The following ADAMTSL3 variants were observed in gnomAD, a reference collection of about 807,000 sequenced individuals.
The protein encoded by ADAMTSL3 is ADAMTS-like protein 3.
In ADAMTSL3, 128 loss-of-function variants were observed where a neutral mutation model predicts 201.7. The observed-to-expected ratio is 0.63, with a 90% CI of 0.55 to 0.73. The LOEUF is 0.73. Ranked by LOEUF, ADAMTSL3 falls within the 30% of genes least tolerant of loss-of-function variation. The probability of loss-of-function intolerance (pLI) is 0.00; values close to 1 mark genes in which losing one functional copy is unlikely to be tolerated. For missense variants in ADAMTSL3, 1,990 were observed against 2,119.6 expected (o/e 0.94, Z 1.20); for synonymous variants, 738 against 748.4 (o/e 0.99, Z 0.23).
chr15:83,916,428 A>G (rs2066034057), intron 16 of ADAMTSL3, among the ~76,000 whole-genome samples: 1 of 152,240 alleles, frequency 6.6e-6, no homozygotes, highest in African/African-American at 2.4e-5. Context: ...TAGAAAATGA[A>G]TAACTTGATT....
In ADAMTSL3 at chr15:83,820,000, CGTT is replaced by C; in HGVS notation, c.555_557del (p.Cys186del). ...GGCACCTAAGGTACTGGATGGAACT[CGTT>C]GCAACACGGACTCCTTGGACATGTG... On this transcript the variant is annotated inframe_deletion, in exon 6 of 30. Coordinates refer to ENST00000286744, the MANE Select transcript of ADAMTSL3 (RefSeq NM_207517.3). The C allele has an allele frequency of 6.2e-7, 1 of 1,614,154 alleles. No individual in the cohort carries two copies. The highest frequency in any genetic ancestry group is 8.5e-7 in the Non-Finnish European group (1 of 1,180,030).
intron 5 of ADAMTSL3, among the ~76,000 whole-genome samples, chr15:83,814,618 CCAA>C (rs1290255060): frequency 8.5e-5 from 13 of 152,278 alleles, no homozygotes; most frequent in Admixed American, 1.3e-4. Flanking sequence ...ACAGTGGCCA[CCAA>C]CAATTTATTT....
chr15:83,788,096 A>G (rs1490997549), intron 4 of ADAMTSL3, among the ~76,000 whole-genome samples: 1 of 152,160 alleles, frequency 6.6e-6, no homozygotes, highest in African/African-American at 2.4e-5. Flanking sequence ...ACTAGAGTCA[A>G]TAATTACCTT....
chr15:83,794,456 C>T (rs1052468910), intron 4 of ADAMTSL3, among the ~76,000 whole-genome samples: 2 of 152,082 alleles, frequency 1.3e-5, no homozygotes, highest in African/African-American at 4.8e-5. Flanking sequence ...ACATCCATAC[C>T]AGGGAGTGCT....
chr15:83,970,317 A>G (rs546795515), intron 19 of ADAMTSL3, among the ~76,000 whole-genome samples, 167 bp from the exon 20 acceptor site: 1 of 152,164 alleles, frequency 6.6e-6, no homozygotes, highest in South Asian at 2.1e-4. Flanking sequence ...GAGAGGAGGA[A>G]GAAACTCTCC....
chr15:83,779,818 T>C (rs2063138610), intron 4 of ADAMTSL3, among the ~76,000 whole-genome samples: 1 of 152,134 alleles, frequency 6.6e-6, no homozygotes, highest in Non-Finnish European at 1.5e-5. Context: ...AATAACTTGC[T>C]TCTGAATGAC....
chr15:83,714,916 T>C lies in ADAMTSL3; in HGVS notation c.189+10408T>C, dbSNP rs1321986329. Among the ~76,000 whole-genome samples the C allele has an allele frequency of 2.9e-3, 350 of 122,740 alleles. 2 individuals are homozygous for C. The highest frequency in any genetic ancestry group is 4.7e-3 in the Non-Finnish European group (268 of 56,896). 80.5% of individuals were successfully genotyped at this position (122,740 alleles called of 152,430 possible). A position where few individuals can be genotyped will look rare whatever the true frequency, so the allele number is the denominator to read the frequency against. On this transcript the variant is annotated intron_variant, in intron 3 of 29. Transcript: ENST00000286744. ...TTCCTTCCTTCCTTCCTTCCTTCCT[T>C]CCTTCCTTCCTTCCTTCCTTCCATC... is the stretch of plus-strand genomic sequence containing the variant.
intron 7 of ADAMTSL3, among the ~76,000 whole-genome samples, chr15:83,845,884 G>C (rs1226045448): frequency 6.6e-6 from 1 of 152,134 alleles, no homozygotes; most frequent in African/African-American, 2.4e-5. Flanking sequence ...GGGAGGTTTA[G>C]TTTTTGCACT....
At position 83,982,573 on chromosome 15, in the gene ADAMTSL3, G is replaced by A; in HGVS notation, c.2945G>A (p.Cys982Tyr). Residue 982 changes from cysteine to tyrosine, a missense_variant, in exon 21 of 30, where the codon TGC becomes TAC. By Grantham distance (194) the Cys-to-Tyr change is radical (BLOSUM62 -2). Coordinates refer to ENST00000286744, the MANE Select transcript of ADAMTSL3 (RefSeq NM_207517.3). ...LAAPDIGVYR[C>Y]IAGSAQETVV... ...GCCCCCGACATCGGCGTGTACCGGTGCATTGCAGGCTCTGCACAGGAAACA... is the reference window on the plus strand; with the variant it reads ...GCCCCCGACATCGGCGTGTACCGGTACATTGCAGGCTCTGCACAGGAAACA... 1 of 1,614,204 alleles carries A rather than the reference G, an allele frequency of 6.2e-7. No individual in the cohort carries two copies. The highest frequency in any genetic ancestry group is 1.1e-5 in the South Asian group (1 of 91,086).
intron 10 of ADAMTSL3, among the ~76,000 whole-genome samples, chr15:83,889,704 G>A (rs1411173915): frequency 2.0e-5 from 3 of 152,102 alleles, no homozygotes; most frequent in Non-Finnish European, 1.5e-5. Context: ...AATGAACCCA[G>A]GAGAATGAAT....
intron 23 of ADAMTSL3, among the ~76,000 whole-genome samples, chr15:83,998,809 T>C (rs2067737291): frequency 6.6e-6 from 1 of 152,106 alleles, no homozygotes; most frequent in Middle Eastern, 3.2e-3. Context: ...CTAGATAAGA[T>C]CTTACTGAAA....
At chr15:83,890,035 G>A in intron 10 of ADAMTSL3, 74 bp from the exon 11 acceptor site, 1 of 1,475,616 alleles carries the variant, frequency 6.8e-7, no homozygotes, top group Middle Eastern at 2.2e-4. Flanking sequence ...AAAAAAGTGT[G>A]TGGCAAGTGA....
intron 6 of ADAMTSL3, among the ~76,000 whole-genome samples, chr15:83,822,799 C>T (rs1427841670): frequency 4.0e-5 from 6 of 151,368 alleles, no homozygotes; most frequent in Non-Finnish European, 5.9e-5. Flanking sequence ...GGGTGGCGGC[C>T]GGGCAGAGGC....
intron 11 of ADAMTSL3, 74 bp downstream of exon 11, chr15:83,890,321 T>C: frequency 1.3e-6 from 2 of 1,549,510 alleles, no homozygotes; most frequent in African/African-American, 1.4e-5. Flanking sequence ...GATCAATCTT[T>C]GCAGGGCAAT....
chr15:83,692,138 T>G (rs970488820), intron 2 of ADAMTSL3, among the ~76,000 whole-genome samples: 1 of 146,112 alleles, frequency 6.8e-6, no homozygotes, highest in African/African-American at 2.7e-5. Flanking sequence ...ATAGTATGTT[T>G]GTAACAGTTT....
intron 17 of ADAMTSL3, among the ~76,000 whole-genome samples, chr15:83,935,955 A>C (rs1461235377): frequency 6.6e-6 from 1 of 152,106 alleles, no homozygotes; most frequent in East Asian, 1.9e-4. Context: ...CTAGGTGAAC[A>C]AAACCAGGAA....
intron 3 of ADAMTSL3, among the ~76,000 whole-genome samples, chr15:83,726,429 C>T (rs757619521): frequency 3.3e-5 from 5 of 152,060 alleles, no homozygotes; most frequent in Admixed American, 1.3e-4. Context: ...TCCAGTACTA[C>T]GTTGAATGAC....
At chr15:83,853,159 G>A (rs2064656114) in intron 7 of ADAMTSL3, among the ~76,000 whole-genome samples, 1 of 152,126 alleles carries the variant, frequency 6.6e-6, no homozygotes, top group Non-Finnish European at 1.5e-5. Flanking sequence ...GCAGCCGGTT[G>A]TGCCCATTTT....
chr15:83,851,507 T>C (rs1191052816), intron 7 of ADAMTSL3, among the ~76,000 whole-genome samples: 3 of 152,196 alleles, frequency 2.0e-5, no homozygotes, highest in Non-Finnish European at 4.4e-5. Context: ...TTCACAAAGA[T>C]TTTGCAAGAG....
Sources: allele counts gnomAD v4.1 joint callset (sites outside exome capture counted in the v4.1 genomes callset), GRCh38; gene constraint gnomAD v4.1.1; transcripts MANE v1.5; gene names NCBI Gene and HGNC (gene_info 2026-07-23, HGNC 2026-07-21).